OGFOD3: variants seen among roughly 807,000 people sequenced by gnomAD.
OGFOD3 encodes 2-oxoglutarate and iron dependent oxygenase domain containing 3.
OGFOD3 carries 35 observed loss-of-function variants against 39.8 expected under a neutral mutation model. The observed-to-expected ratio is 0.88, with a 90% CI of 0.67 to 1.17. OGFOD3 has a LOEUF of 1.17. OGFOD3 is among the 50% of genes most tolerant of loss of function. The pLI is 0.00. For missense variants in OGFOD3, 438 were observed against 454.5 expected (o/e 0.96, Z 0.33); for synonymous variants, 200 against 192.0 (o/e 1.04, Z -0.34).
intron 8 of OGFOD3, among the ~76,000 whole-genome samples, chr17:82,397,028 G>A (rs1429986646): frequency 2.0e-5 from 3 of 152,308 alleles, no homozygotes; most frequent in African/African-American, 7.2e-5. Flanking sequence ...GGGAGCAGCT[G>A]AGGGAGGCAG....
intron 2 of OGFOD3, among the ~76,000 whole-genome samples, chr17:82,414,708 G>A (rs1385976172): frequency 6.6e-6 from 1 of 152,216 alleles, no homozygotes; most frequent in Non-Finnish European, 1.5e-5. Flanking sequence ...ATCTTTTCTT[G>A]GTTCAAGTGC....
At chr17:82,398,436 A>G (rs2052713547) in intron 7 of OGFOD3, 117 bp from the exon 8 acceptor site, 3 of 1,296,828 alleles carry the variant, frequency 2.3e-6, no homozygotes, top group Non-Finnish European at 3.2e-6. Context: ...GTCTTGCTCC[A>G]TCACCCAGGC....
In OGFOD3 at chr17:82,415,628, C is replaced by T; in HGVS notation, c.75-1G>A. 6.2e-7 allele frequency: 1 copy of T among 1,607,268 alleles called. No homozygotes were observed. Among genetic ancestry groups the T allele is most frequent in the Non-Finnish European group, 8.5e-7 (1 of 1,175,864 alleles). On this transcript the variant is annotated splice_acceptor_variant, in intron 1 of 8. Coordinates refer to ENST00000313056, the MANE Select transcript of OGFOD3 (RefSeq NM_024648.3). LOFTEE classifies it high-confidence loss of function. This position sits in a 1 kb window ranked among gnomAD's most constrained non-coding sequence, Gnocchi z 5.3. ...CCGCGGGGCTCGGTCCTTCTTGGTG[C>T]TGAGAACAGAAAACAGGCCACGTCA... is the stretch of plus-strand genomic sequence containing the variant.
chr17:82,397,319 G>A (rs2052688389), intron 8 of OGFOD3, among the ~76,000 whole-genome samples: 1 of 148,392 alleles, frequency 6.7e-6, no homozygotes, highest in Non-Finnish European at 1.5e-5. Flanking sequence ...GACGGGTGAG[G>A]CAGCAGGGGG....
rs1031691885 is a variant in OGFOD3, at chr17:82,406,546, T to C, written c.424-64A>G. 1 of 1,395,278 alleles carries C rather than the reference T, an allele frequency of 7.2e-7. No individual in the cohort carries two copies. Among genetic ancestry groups the C allele is most frequent in the Non-Finnish European group, 1.0e-6 (1 of 981,470 alleles). 86.4% of individuals were successfully genotyped at this position (1,395,278 alleles called of 1,614,324 possible). ...CAATGGCAATGGCTGTTAAAAGTCATGGATGGTAAATGCGAGTTTCCAAGG... is the reference window on the plus strand; with the variant it reads ...CAATGGCAATGGCTGTTAAAAGTCACGGATGGTAAATGCGAGTTTCCAAGG... On this transcript the variant is annotated intron_variant, in intron 4 of 8. Transcript: ENST00000313056. The surrounding 1 kb of genome is among the most constrained non-coding windows in gnomAD (Gnocchi z 5.2).
chr17:82,391,888 T>C lies in OGFOD3; in HGVS notation c.*510A>G. ...CACCTCCACCTGAATCCAGCAGAAC[T>C]CCCACCCACCCCAAAGGACCCCGTT... is the stretch of plus-strand genomic sequence containing the variant. On this transcript the variant is annotated 3_prime_UTR_variant, in exon 9 of 9. Transcript: ENST00000313056. This position sits in a 1 kb window ranked among gnomAD's most constrained non-coding sequence, Gnocchi z 5.1. The C allele has an allele frequency of 6.3e-6, 1 of 158,516 alleles. No individual in the cohort carries two copies. Among genetic ancestry groups the C allele is most frequent in the Non-Finnish European group, 1.4e-5 (1 of 71,938 alleles). 9.8% of individuals were successfully genotyped at this position (158,516 alleles called of 1,614,324 possible). A position where few individuals can be genotyped will look rare whatever the true frequency, so the allele number is the denominator to read the frequency against.
Position 82,406,362 on chromosome 17 carries a change from C to G in OGFOD3, c.488+56G>C. On this transcript the variant is annotated intron_variant, in intron 5 of 8. Transcript: ENST00000313056. This position sits in a 1 kb window ranked among gnomAD's most constrained non-coding sequence, Gnocchi z 5.2. ...TCCACATGTCCATGGCTAAGAGGCACGGAGCCGCTCACTCGGCTTTCAGAG... is the reference window on the plus strand; with the variant it reads ...TCCACATGTCCATGGCTAAGAGGCAGGGAGCCGCTCACTCGGCTTTCAGAG... 1 of 1,504,718 alleles carries G rather than the reference C, an allele frequency of 6.6e-7. No individual in the cohort carries two copies. The highest frequency in any genetic ancestry group is 9.2e-7 in the Non-Finnish European group (1 of 1,082,058). 93.2% of individuals were successfully genotyped at this position (1,504,718 alleles called of 1,614,324 possible). A position where few individuals can be genotyped will look rare whatever the true frequency, so the allele number is the denominator to read the frequency against.
chr17:82,393,597 G>C (rs925268359), intron 8 of OGFOD3: 1 of 152,222 alleles, frequency 6.6e-6, no homozygotes, highest in South Asian at 2.1e-4. Flanking sequence ...TTTCCAGGTC[G>C]GCTGGAGTCA....
Position 82,398,195 on chromosome 17 carries a change from C to A in OGFOD3, c.823+1G>T, listed in dbSNP as rs1321464428. 1.2e-6 allele frequency: 2 copies of A among 1,613,898 alleles called. No individual in the cohort carries two copies. Among genetic ancestry groups the A allele is most frequent in the African/African-American group, 2.7e-5 (2 of 74,896 alleles). ...GCCCAGGCCCCGCCCGCGCCTCCTA[C>A]CAGCTCTCGGCTCCACCGTCTTGTT... On this transcript the variant is annotated splice_donor_variant, in intron 8 of 8. Transcript: ENST00000313056. LOFTEE classifies it high-confidence loss of function.
At chr17:82,399,634 C>CA (rs561723384) in intron 7 of OGFOD3, among the ~76,000 whole-genome samples, 41 of 152,342 alleles carry the variant, frequency 2.7e-4, no homozygotes, top group African/African-American at 3.6e-4. Flanking sequence ...CCACGCCCCC[C>CA]AGTCCTGCCC....
chr17:82,397,129 G>A (rs1046631531), intron 8 of OGFOD3, among the ~76,000 whole-genome samples: 6 of 152,016 alleles, frequency 3.9e-5, no homozygotes, highest in Admixed American at 1.3e-4. Flanking sequence ...AACTGAAGTC[G>A]TAAACTAACC....
At chr17:82,398,403 GT>G in intron 7 of OGFOD3, 84 bp from the exon 8 acceptor site, 1 of 1,524,054 alleles carries the variant, frequency 6.6e-7, no homozygotes, top group Non-Finnish European at 8.9e-7. Context: ...CTTATTTTTT[GT>G]TTATTTATTT....
At chr17:82,393,989 C>CTTT (rs1300659779) in intron 8 of OGFOD3, 3 of 127,420 alleles carry the variant, frequency 2.4e-5, no homozygotes, top group Admixed American at 8.0e-5. Flanking sequence ...CAGAAAAGGA[C>CTTT]TTTTTTTTTT....
rs1303795689 is a variant in OGFOD3, at chr17:82,392,594, G to A, written c.824-60C>T. ...GCCACACCCACGGCCACAGCCTTCA[G>A]AGGGTCTGCGGTCACCTGAAAGAGC... On this transcript the variant is annotated intron_variant, in intron 8 of 8. Transcript: ENST00000313056. This position sits in a 1 kb window ranked among gnomAD's most constrained non-coding sequence, Gnocchi z 4.2. 15 of 1,539,622 alleles carry A rather than the reference G, an allele frequency of 9.7e-6. No individual in the cohort carries two copies. The highest frequency in any genetic ancestry group is 1.2e-5 in the Non-Finnish European group (14 of 1,140,254).
chr17:82,411,701 C>G lies in OGFOD3; in HGVS notation c.305-171G>C, dbSNP rs930513822. ...CTTTGTGCGGTGCATCTGGAGTTCA[C>G]GTCTCACTGGGCCACCTTGGCTTCC... On this transcript the variant is annotated intron_variant, in intron 2 of 8. Coordinates refer to ENST00000313056, the MANE Select transcript of OGFOD3 (RefSeq NM_024648.3). 5.3e-6 allele frequency: 3 copies of G among 568,150 alleles called. No individual in the cohort carries two copies. The East Asian group carries it at 9.5e-5, about 18-fold the overall frequency. The allele number at this position is 568,150 out of a possible 1,614,324, so 35.2% of individuals were successfully genotyped here. A position where few individuals can be genotyped will look rare whatever the true frequency, so the allele number is the denominator to read the frequency against.
chr17:82,405,223 G>C, intron 6 of OGFOD3, 101 bp downstream of exon 6: 1 of 1,002,744 alleles, frequency 1.0e-6, no homozygotes, highest in Non-Finnish European at 1.6e-6. Flanking sequence ...CCTGGCCCCT[G>C]GGCCTCTCCG....
intron 8 of OGFOD3, among the ~76,000 whole-genome samples, chr17:82,397,498 G>A (rs1157340410): frequency 6.6e-6 from 1 of 151,882 alleles, no homozygotes; most frequent in Admixed American, 6.6e-5. Flanking sequence ...GCCTATGCGA[G>A]TTTCGGCTGC....
chr17:82,401,803 CAAA>C lies in OGFOD3; in HGVS notation c.699+2131_699+2133del, dbSNP rs79956747. On this transcript the variant is annotated intron_variant, in intron 7 of 8. Coordinates refer to ENST00000313056, the MANE Select transcript of OGFOD3 (RefSeq NM_024648.3). ...TGGGTGGCAGAGCAAGACTCCATCT[CAAA>C]AAAAAAAAAAAAAAAAACAAAGACT... 8.8e-4 allele frequency among the ~76,000 whole-genome samples: 54 copies of C among 61,682 alleles called. 1 individual carries two copies. The South Asian group carries it at 0.01, about 12-fold the overall frequency. 40.5% of individuals were successfully genotyped at this position (61,682 alleles called of 152,430 possible). A position where few individuals can be genotyped will look rare whatever the true frequency, so the allele number is the denominator to read the frequency against.
At chr17:82,417,839 C>T (rs530430462) in intron 1 of OGFOD3, among the ~76,000 whole-genome samples, 1 of 152,112 alleles carries the variant, frequency 6.6e-6, no homozygotes, top group African/African-American at 2.4e-5. Context: ...GAATTGGGCA[C>T]TCCCCAAAAG....
Sources: gnomAD v4.1 joint callset for allele counts (sites outside exome capture counted in the v4.1 genomes callset) on GRCh38, gnomAD v4.1.1 for gene constraint, Gnocchi (gnomAD v3.1) non-coding constraint, MANE v1.5 for transcripts, NCBI Gene and HGNC (gene_info 2026-07-23, HGNC 2026-07-21) for gene names.